The following THADA variants were observed in gnomAD, a reference collection of about 807,000 sequenced individuals.
The protein encoded by THADA is THADA armadillo repeat containing.
In THADA, 213 loss-of-function variants were observed where a neutral mutation model predicts 219.8. That is an observed-to-expected ratio of 0.97 (90% CI 0.87 to 1.09). The LOEUF is 1.09. THADA is among the 50% of genes least tolerant of loss of function. The pLI is 0.00. For synonymous variants in THADA, 1,018 were observed against 828.9 expected (o/e 1.23, Z -3.92); for missense variants, 2,956 against 2,311.3 (o/e 1.28, Z -5.72).
chr2:43,428,500 G>T (rs1428556972), intron 27 of THADA, among the ~76,000 whole-genome samples: 6 of 152,166 alleles, frequency 3.9e-5, no homozygotes, highest in Non-Finnish European at 8.8e-5. Context: ...AGCTACTCGG[G>T]AGGCTGAGGT....
intron 26 of THADA, among the ~76,000 whole-genome samples, chr2:43,441,105 G>A (rs1044007250): frequency 3.9e-5 from 6 of 152,106 alleles, no homozygotes; most frequent in African/African-American, 1.4e-4. Context: ...AAATTATTGT[G>A]GCCATGCCTG....
rs373501338 is a variant in THADA, at chr2:43,574,928, C to G, written c.1137G>C (p.Thr379=). The G allele has an allele frequency of 6.2e-6, 10 of 1,613,938 alleles. No homozygotes were observed. Among genetic ancestry groups the G allele is most frequent in the Non-Finnish European group, 8.5e-6 (10 of 1,179,884 alleles). ...QVLESSSPSL[T]DSLNGNSSIV... Reference sequence around the variant, plus strand: ...TACTTGAATTCCCATTCAGGCTGTCCGTTAGGCTCGGGGAACTTGATTCAA... The same window carrying G: ...TACTTGAATTCCCATTCAGGCTGTCGGTTAGGCTCGGGGAACTTGATTCAA... The change falls in exon 11 of 38, where the codon ACG becomes ACC. Residue 379 remains threonine (T), a synonymous_variant. Transcript: ENST00000405975.
chr2:43,308,016 G>C (rs1230504842), intron 31 of THADA, among the ~76,000 whole-genome samples: 1 of 151,228 alleles, frequency 6.6e-6, no homozygotes, highest in Non-Finnish European at 1.5e-5. Context: ...AACTTCTAGA[G>C]ATGAACAATA....
chr2:43,476,083 C>A (rs1345463345), intron 26 of THADA, among the ~76,000 whole-genome samples: 1 of 152,164 alleles, frequency 6.6e-6, no homozygotes, highest in African/African-American at 2.4e-5. Context: ...CAACCCCAGA[C>A]CCAACTGATG....
At chr2:43,405,862 A>C (rs1675467308) in intron 28 of THADA, among the ~76,000 whole-genome samples, 1 of 152,170 alleles carries the variant, frequency 6.6e-6, no homozygotes, top group South Asian at 2.1e-4. Context: ...CAACACATTA[A>C]ACCCTTAAAA....
rs766085265 is a variant in THADA, at chr2:43,552,317, A to C, written c.2697T>G (p.Asn899Lys). ...TLMVIKCLME[N>K]LEEEVSQAEN... The stretch of plus-strand genomic sequence containing the variant: ...CAGCCTGAGATACTTCTTCCTCAAG[A>C]TTTTCCATCAAGCATTTGATAACTA... Residue 899 changes from asparagine to lysine, a missense_variant, in exon 18 of 38, where the codon AAT becomes AAG. By Grantham distance (94) the Asn-to-Lys change is moderately conservative. Transcript: ENST00000405975. 12 of 1,594,906 alleles carry C rather than the reference A, an allele frequency of 7.5e-6. No homozygotes were observed. The highest frequency in any genetic ancestry group is 9.4e-6 in the Non-Finnish European group (11 of 1,175,074).
At chr2:43,279,406 T>C (rs1156466409) in intron 36 of THADA, among the ~76,000 whole-genome samples, 1 of 152,194 alleles carries the variant, frequency 6.6e-6, no homozygotes, top group Non-Finnish European at 1.5e-5. Context: ...ACACAGATAA[T>C]AGAGACTTGG....
chr2:43,297,265 G>GCCA (rs1675549989), intron 31 of THADA, among the ~76,000 whole-genome samples: 2 of 110,918 alleles, frequency 1.8e-5, no homozygotes, highest in African/African-American at 9.3e-5. Context: ...TCTCTGCCCG[G>GCCA]CCACCCCGTC....
chr2:43,410,018 T>TAA (rs200952206), intron 28 of THADA, among the ~76,000 whole-genome samples: 17 of 132,074 alleles, frequency 1.3e-4, no homozygotes, highest in Non-Finnish European at 2.3e-4. Context: ...TCTCATCTCT[T>TAA]AAAAAAAAAA....
chr2:43,263,477 C>A (rs1168353364), intron 36 of THADA, among the ~76,000 whole-genome samples: 2 of 152,098 alleles, frequency 1.3e-5, no homozygotes, highest in Non-Finnish European at 2.9e-5. Flanking sequence ...TTCTTTCCTA[C>A]CTAAAATGTT....
intron 25 of THADA, among the ~76,000 whole-genome samples, chr2:43,495,409 A>G (rs1341674296): frequency 6.6e-6 from 1 of 152,104 alleles, no homozygotes; most frequent in East Asian, 1.9e-4. Flanking sequence ...ATTTATATAT[A>G]TTTATGCAGC....
chr2:43,536,111 T>C (rs1184948345), intron 21 of THADA, among the ~76,000 whole-genome samples: 1 of 152,160 alleles, frequency 6.6e-6, no homozygotes, highest in African/African-American at 2.4e-5. Context: ...CTATTCATTT[T>C]GAGTTGATTT....
intron 26 of THADA, among the ~76,000 whole-genome samples, chr2:43,472,428 TA>T (rs1296263714): frequency 2.4e-4 from 36 of 152,240 alleles, no homozygotes; most frequent in Non-Finnish European, 4.3e-4. Context: ...TATGCTACTA[TA>T]ATATTGATAA....
chr2:43,548,881 T>C (rs890032862), intron 20 of THADA, among the ~76,000 whole-genome samples: 2 of 152,216 alleles, frequency 1.3e-5, no homozygotes, highest in African/African-American at 4.8e-5. Flanking sequence ...CCCACTGTCC[T>C]GCGCCCACTG....
At chr2:43,299,389 T>G (rs536480722) in intron 31 of THADA, among the ~76,000 whole-genome samples, 2 of 152,328 alleles carry the variant, frequency 1.3e-5, no homozygotes, top group African/African-American at 4.8e-5. Context: ...CCGGGCGCAG[T>G]GGCTCACGCC....
At chr2:43,524,601 C>A (rs532290903) in intron 22 of THADA, among the ~76,000 whole-genome samples, 2 of 152,084 alleles carry the variant, frequency 1.3e-5, no homozygotes, top group African/African-American at 4.8e-5. Flanking sequence ...CCAAAAGAAA[C>A]AAATTTTCTT....
chr2:43,452,534 C>T lies in THADA; in HGVS notation c.3837-22232G>A, dbSNP rs146970219. On this transcript the variant is annotated intron_variant, in intron 26 of 37. Coordinates refer to ENST00000405975, the MANE Select transcript of THADA (RefSeq NM_022065.5). ...TACAAGTAATCTAACTACTGCTGTG[C>T]CAGGCATCTTCTTAACAAGCAGAGG... Among the ~76,000 whole-genome samples the T allele has an allele frequency of 3.3e-5, 5 of 152,154 alleles. 1 individual carries two copies. In the East Asian group the frequency reaches 9.7e-4, roughly 29 times the overall value.
intron 36 of THADA, among the ~76,000 whole-genome samples, chr2:43,271,372 A>G (rs1672101152): frequency 6.6e-6 from 1 of 152,216 alleles, no homozygotes; most frequent in South Asian, 2.1e-4. Flanking sequence ...AATCTGCCAT[A>G]ATAAGAAAAT....
intron 28 of THADA, among the ~76,000 whole-genome samples, chr2:43,411,143 G>C (rs1676245719): frequency 6.6e-6 from 1 of 152,156 alleles, no homozygotes; most frequent in South Asian, 2.1e-4. Flanking sequence ...ACAATGTTCT[G>C]AATCTTTCAC....
Sources: allele counts gnomAD v4.1 joint callset (sites outside exome capture counted in the v4.1 genomes callset), GRCh38; gene constraint gnomAD v4.1.1; transcripts MANE v1.5; gene names NCBI Gene and HGNC (gene_info 2026-07-23, HGNC 2026-07-21).